The following CACNA1F variants were observed in gnomAD, a reference collection of about 807,000 sequenced individuals.
CACNA1F encodes the protein voltage-dependent L-type calcium channel subunit alpha-1F.
CACNA1F carries 59 observed loss-of-function variants against 143.8 expected under a neutral mutation model. The observed-to-expected ratio is 0.41, with a 90% confidence interval of 0.33 to 0.51. The LOEUF (loss-of-function observed/expected upper bound fraction) is 0.51. CACNA1F is among the 20% of genes least tolerant of loss of function. The pLI, the probability that CACNA1F is intolerant of heterozygous loss-of-function variation, is 0.22. For missense variants in CACNA1F, 1,411 were observed against 1,647.5 expected (o/e 0.86, Z 2.48); for synonymous variants, 643 against 649.1 (o/e 0.99, Z 0.14).
In CACNA1F at chrX:49,231,745, G is replaced by T; in HGVS notation, c.208C>A (p.Arg70=). The change falls in exon 2 of 48, where the codon CGG becomes AGG. Residue 70 remains arginine, a synonymous_variant. Transcript: ENST00000323022. Reference sequence around the variant, plus strand: ...GCCAGGGTGAGGCAGAAGAGTGCCCGAGGTGACCGCTGGGCACTGGCCACT... The same window carrying T: ...GCCAGGGTGAGGCAGAAGAGTGCCCTAGGTGACCGCTGGGCACTGGCCACT... The part of the protein sequence containing the change: ...VAVASAQRSP[R]ALFCLTLANP... The T allele has an allele frequency of 8.3e-7, 1 of 1,210,781 alleles. No individual in the cohort carries two copies. The highest frequency in any genetic ancestry group is 1.1e-6 in the Non-Finnish European group (1 of 894,499).
chrX:49,223,265 T>G, intron 14 of CACNA1F, 129 bp from the exon 15 acceptor site: 1 of 485,660 alleles, frequency 2.1e-6, no homozygotes, highest in South Asian at 2.9e-5. Flanking sequence ...GGCTTTGGTG[T>G]CAGGGTTAGA....
chrX:49,205,747 C>T lies in CACNA1F; in HGVS notation c.5539G>A (p.Gly1847Ser). 8.3e-7 allele frequency: 1 copy of T among 1,204,441 alleles called. No homozygotes were observed. Among genetic ancestry groups the T allele is most frequent in the Non-Finnish European group, 1.1e-6 (1 of 891,912 alleles). ...CCGAGGTACCCCTCCCCCGCTGCGC[C>T]CTCTTCCACCAACAACAGCGGGGCA... ...LYAPLLLVEE[G>S]AAGEGYLGRS... The change falls in exon 47 of 48, where the codon GGC becomes AGC. Residue 1847 changes from glycine to serine, a missense_variant. Around this residue, in one of 3 missense-constraint regions of CACNA1F, gnomAD observed 349 missense variants for 350.2 expected, o/e 1.00. Transcript: ENST00000323022.
chrX:49,229,862 G>C (rs932447779), intron 6 of CACNA1F, among the ~76,000 whole-genome samples: 1 of 105,271 alleles, frequency 9.5e-6, no homozygotes, highest in Admixed American at 1.0e-4. Context: ...GTGTTAGCCA[G>C]GATGGTCTCG....
chrX:49,223,999 T>A (rs1368245164), intron 14 of CACNA1F, among the ~76,000 whole-genome samples: 1 of 111,477 alleles, frequency 9.0e-6, no homozygotes, highest in Non-Finnish European at 1.9e-5. Flanking sequence ...CCCAAAGTGC[T>A]GGGATTACAG....
chrX:49,217,052 G>A (rs1325356438), intron 26 of CACNA1F, among the ~76,000 whole-genome samples: 3 of 111,175 alleles, frequency 2.7e-5, no homozygotes, highest in Non-Finnish European at 5.7e-5. Context: ...TCCGCCTCCC[G>A]GGTTCAAGCG....
In CACNA1F at chrX:49,206,827, T is replaced by C; in HGVS notation, c.5260A>G (p.Thr1754Ala). The C allele has an allele frequency of 8.4e-7, 1 of 1,193,368 alleles. No individual in the cohort carries two copies. Among genetic ancestry groups the C allele is most frequent in the Non-Finnish European group, 1.1e-6 (1 of 885,303 alleles). The change falls in exon 45 of 48, where the codon ACT (threonine) becomes GCT (alanine). Residue 1754 changes from threonine (T) to alanine (A), a missense_variant. Physicochemically the swap from Thr to Ala is moderately conservative, Grantham distance 58. Transcript: ENST00000323022. The part of the protein sequence containing the change: ...RLSYLDEQAG[T>A]PPCSVLLPPH... ...GGCAAAAGGACTGAGCACGGGGGAG[T>C]CCCTGCCTGCTCATCTAGGTAGGAA...
chrX:49,228,131 A>T lies in CACNA1F; in HGVS notation c.1023T>A (p.Asp341Glu), dbSNP rs1557110432. Residue 341 changes from aspartate to glutamate, a missense_variant, in exon 8 of 48, where the codon GAT (aspartate) becomes GAA (glutamate). Physicochemically the swap from Asp to Glu is conservative, Grantham distance 45. This residue lies in a region of CACNA1F where 950 missense variants were observed against 1,128.1 expected (regional missense o/e 0.84). Transcript: ENST00000323022. Reference protein sequence around the residue: ...GWTDVLYWMQDAMGYELPWVY... With the variant: ...GWTDVLYWMQEAMGYELPWVY... ...CCCAGGGCAGTTCATACCCCATGGC[A>T]TCTTGCATCTGGGGAGAGAAAAGGC... The T allele has an allele frequency of 1.7e-6, 2 of 1,201,474 alleles. No individual in the cohort carries two copies. The highest frequency in any genetic ancestry group is 2.3e-6 in the Non-Finnish European group (2 of 886,108).
chrX:49,220,329 T>C, intron 19 of CACNA1F, 144 bp downstream of exon 19: 1 of 498,740 alleles, frequency 2.0e-6, no homozygotes, highest in Non-Finnish European at 3.6e-6. Flanking sequence ...CAAATGTTGC[T>C]GACCACATAC....
chrX:49,222,066 C>T (rs1294247894), intron 17 of CACNA1F, among the ~76,000 whole-genome samples: 2 of 110,607 alleles, frequency 1.8e-5, no homozygotes, highest in Non-Finnish European at 3.8e-5. Flanking sequence ...TACTCTTCCC[C>T]CAGATATTTG....
intron 43 of CACNA1F, 21 bp downstream of exon 43, chrX:49,208,494 C>T (rs1318429647): frequency 1.0e-5 from 10 of 1,004,148 alleles, no homozygotes; most frequent in Non-Finnish European, 1.3e-5. Context: ...TCACAATCTA[C>T]TTCCAGACAC....
At chrX:49,218,129 G>T (rs1203676904) in intron 24 of CACNA1F, 124 bp from the exon 25 acceptor site, 7 of 515,336 alleles carry the variant, frequency 1.4e-5, no homozygotes, top group Non-Finnish European at 2.4e-5. Flanking sequence ...GGTCAGGGAT[G>T]TATGGTTAGC....
Position 49,210,592 on chromosome X carries a change from T to G in CACNA1F, c.4483A>C (p.Lys1495Gln), listed in dbSNP as rs782804952. 3.3e-6 allele frequency: 4 copies of G among 1,206,800 alleles called. No homozygotes were observed. Among genetic ancestry groups the G allele is most frequent in the Non-Finnish European group, 4.5e-6 (4 of 891,513 alleles). Residue 1495 changes from lysine (K) to glutamine (Q), a missense_variant and splice_region_variant, in exon 38 of 48, where the codon AAG (lysine) becomes CAG (glutamine). Around this residue, in one of 3 missense-constraint regions of CACNA1F, gnomAD observed 112 missense variants for 169.2 expected, o/e 0.66. Coordinates refer to ENST00000323022, the MANE Select transcript of CACNA1F (RefSeq NM_001256789.3). ...TGGGGGTGGGCAGGTGCACAGACCT[T>G]GCAGGCCACTCGGTGTGGGCACAGC... ...GKLCPHRVAC[K>Q]RLVAMNMPLN... is the part of the protein sequence containing the mutation.
At chrX:49,218,430 G>C (rs1557107926) in intron 24 of CACNA1F, 25 bp downstream of exon 24, 1 of 1,140,179 alleles carries the variant, frequency 8.8e-7, no homozygotes, top group Admixed American at 2.6e-5. Flanking sequence ...CCTGGGTCCT[G>C]TGGGTTTGGG....
rs2065871394 is a variant in CACNA1F, at chrX:49,230,909, G to A, written c.462C>T (p.His154=). ...AGCCATTGCGGATGTAGGCGCTGGGGTGGAGCACCAGCCCGTAGGCCACGA... is the reference window on the plus strand; with the variant it reads ...AGCCATTGCGGATGTAGGCGCTGGGATGGAGCACCAGCCCGTAGGCCACGA... ...LKIVAYGLVL[H]PSAYIRNGWN... is the part of the protein sequence containing the mutation. Residue 154 remains histidine (H), a synonymous_variant, in exon 4 of 48, where the codon CAC becomes CAT. Coordinates refer to ENST00000323022, the MANE Select transcript of CACNA1F (RefSeq NM_001256789.3). 2.5e-6 allele frequency: 3 copies of A among 1,190,919 alleles called. No individual in the cohort carries two copies.
rs1189449924 is a variant in CACNA1F at position 49,226,177 on chromosome X, A to G, written c.1490+40T>C. On this transcript the variant is annotated intron_variant, in intron 12 of 47. Coordinates refer to ENST00000323022, the MANE Select transcript of CACNA1F (RefSeq NM_001256789.3). ...AGGGCTTGGAGGTGGGGGGTTTCAA[A>G]GTTATGGAGTCAAGGATTTGCACAA... 3 of 1,169,571 alleles carry G rather than the reference A, an allele frequency of 2.6e-6. No homozygotes were observed. The African/African-American group carries it at 5.3e-5, about 21-fold the overall frequency.
Position 49,210,469 on chromosome X carries a change from G to A in CACNA1F, c.4486-66C>T, listed in dbSNP as rs1027990089. On this transcript the variant is annotated intron_variant, in intron 38 of 47. Coordinates refer to ENST00000323022, the MANE Select transcript of CACNA1F (RefSeq NM_001256789.3). ...CCGGGTATGCAGGAACGAATGTCAAGGGGCAGAAACCTCTGAGGATGCGAT... is the reference window on the plus strand; with the variant it reads ...CCGGGTATGCAGGAACGAATGTCAAAGGGCAGAAACCTCTGAGGATGCGAT... The A allele has an allele frequency of 9.7e-6, 10 of 1,032,023 alleles. No homozygotes were observed. In the African/African-American group the frequency reaches 1.9e-4, roughly 19 times the overall value. 85.1% of individuals were successfully genotyped at this position (1,032,023 alleles called of 1,213,427 possible). A position where few individuals can be genotyped will look rare whatever the true frequency, so the allele number is the denominator to read the frequency against.
Position 49,211,251 on chromosome X carries a change from C to A in CACNA1F, c.4260+71G>T, listed in dbSNP as rs1036716479. 6.1e-6 allele frequency: 7 copies of A among 1,152,420 alleles called. No individual in the cohort carries two copies. In the African/African-American group the frequency reaches 1.3e-4, roughly 21 times the overall value. 95.0% of individuals were successfully genotyped at this position (1,152,420 alleles called of 1,213,427 possible). ...CCACTATGAAGATCTGGGCTGCCCA[C>A]GTCACATCCCTGAGCCCCTCAGGGC... On this transcript the variant is annotated intron_variant, in intron 36 of 47. Transcript: ENST00000323022.
intron 8 of CACNA1F, 46 bp from the exon 9 acceptor site, chrX:49,227,173 A>G (rs781933560): frequency 1.9e-6 from 2 of 1,046,970 alleles, no homozygotes; most frequent in African/African-American, 3.7e-5. Context: ...CAATCTGAAC[A>G]CCTTGCTTTC....
At chrX:49,223,229 G>C in intron 14 of CACNA1F, 93 bp from the exon 15 acceptor site, 1 of 572,090 alleles carries the variant, frequency 1.7e-6, no homozygotes, top group South Asian at 2.5e-5. Context: ...AGCTTGAGAT[G>C]CACCTCGGCA....
Sources: allele counts gnomAD v4.1 joint callset (sites outside exome capture counted in the v4.1 genomes callset), GRCh38; gene constraint gnomAD v4.1.1; regional missense constraint gnomAD v4.1.1; transcripts MANE v1.5; gene names NCBI Gene and HGNC (gene_info 2026-07-23, HGNC 2026-07-21).